The following SIGLEC9 variants were observed in gnomAD, a reference collection of about 807,000 sequenced individuals.
The protein encoded by SIGLEC9 is sialic acid-binding Ig-like lectin 9.
SIGLEC9 carries 26 observed loss-of-function variants against 38.3 expected under a neutral mutation model. The observed-to-expected ratio is 0.68, with a 90% CI of 0.50 to 0.94. The LOEUF (loss-of-function observed/expected upper bound fraction) is 0.94, where lower values mean the gene tolerates loss of function less well. Ranked by LOEUF, SIGLEC9 falls within the 40% of genes least tolerant of loss-of-function variation. The probability of loss-of-function intolerance (pLI) is 0.00; values close to 1 mark genes in which losing one functional copy is unlikely to be tolerated. For synonymous variants in SIGLEC9, 236 were observed against 248.0 expected (o/e 0.95, Z 0.45); for missense variants, 556 against 585.7 (o/e 0.95, Z 0.52).
downstream of SIGLEC9, chr19:51,130,393 C>A: frequency 4.2e-6 from 1 of 238,550 alleles, no homozygotes; most frequent in South Asian, 8.0e-5. Flanking sequence ...TTCCAGGAGT[C>A]ACATCCCGTT....
At chr19:51,135,433 C>T (rs1380272842) in intron 6 of SIGLEC9, among the ~76,000 whole-genome samples, 1 of 152,190 alleles carries the variant, frequency 6.6e-6, no homozygotes, top group Non-Finnish European at 1.5e-5. Flanking sequence ...ATGATTTCTG[C>T]TAAAAGCTCT....
At chr19:51,131,313 C>T (rs2092013579), downstream of SIGLEC9, among the ~76,000 whole-genome samples, 1 of 152,152 alleles carries the variant, frequency 6.6e-6, no homozygotes, top group Non-Finnish European at 1.5e-5. Flanking sequence ...CATGGCCGGG[C>T]ACAGTGTCTC....
At chr19:51,123,924 C>T (rs1486228115), upstream of SIGLEC9, among the ~76,000 whole-genome samples, 1 of 152,188 alleles carries the variant, frequency 6.6e-6, no homozygotes, top group Non-Finnish European at 1.5e-5. Context: ...CCCATGAAAT[C>T]CTGCCCATCG....
At chr19:51,124,895 G>A (rs1030485336), upstream of SIGLEC9, 2 of 1,534,768 alleles carry the variant, frequency 1.3e-6, no homozygotes, top group Non-Finnish European at 1.8e-6. Context: ...CCTCCTCTAA[G>A]TCTTGAGCCC....
chr19:51,132,001 G>T (rs1209374966), downstream of SIGLEC9, among the ~76,000 whole-genome samples: 1 of 152,162 alleles, frequency 6.6e-6, no homozygotes, highest in Non-Finnish European at 1.5e-5. Flanking sequence ...TTGATGCCCA[G>T]TGTTGGCGGT....
intron 1 of SIGLEC9, 72 bp downstream of exon 1, chr19:51,125,467 C>G: frequency 6.5e-7 from 1 of 1,547,914 alleles, no homozygotes. Flanking sequence ...GGGATGGAGC[C>G]CCTGCCCCAG....
At position 51,127,294 on chromosome 19, in the gene SIGLEC9, A is replaced by T; in HGVS notation, c.1013A>T (p.Gln338Leu). The stretch of plus-strand genomic sequence containing the variant: ...CAGGTCTACCTGAACGTCTCCCTGC[A>T]GAGTGAGTGCACCAGTATGCTGGGG... ...SQQVYLNVSL[Q>L]SKATSGVTQG... The change falls in exon 4 of 7, where the codon CAG (glutamine) becomes CTG (leucine). Residue 338 changes from glutamine to leucine, a missense_variant and splice_region_variant. Coordinates refer to ENST00000250360, the MANE Select transcript of SIGLEC9 (RefSeq NM_014441.3). 1 of 1,608,696 alleles carries T rather than the reference A, an allele frequency of 6.2e-7. No homozygotes were observed. The highest frequency in any genetic ancestry group is 8.5e-7 in the Non-Finnish European group (1 of 1,176,568).
At position 51,125,709 on chromosome 19, in the gene SIGLEC9, C is replaced by T. The variant is rs774824651; in HGVS notation, c.534C>T (p.Ile178=). ...WACEQGTPPM[I]SWIGTSVSPL... is the part of the protein sequence containing the mutation. ...GTGAGCAGGGGACACCCCCTATGAT[C>T]TCCTGGATAGGGACCTCCGTGTCCC... The change falls in exon 2 of 7, where the codon ATC becomes ATT. Residue 178 remains isoleucine (I), a synonymous_variant. Coordinates refer to ENST00000250360, the MANE Select transcript of SIGLEC9 (RefSeq NM_014441.3). 15 of 1,614,084 alleles carry T rather than the reference C, an allele frequency of 9.3e-6. No homozygotes were observed. In the East Asian group the frequency reaches 3.3e-4, roughly 36 times the overall value.
chr19:51,126,122 G>C lies in SIGLEC9; in HGVS notation c.742G>C (p.Gly248Arg), dbSNP rs202208227. ...GACCATGACTGTCTTCCAAGGAGAC[G>C]GCACAGGTAGGATGGAGCTCCCTCC... ...NLTMTVFQGD[G>R]TVSTVLGNGS... Residue 248 changes from glycine (G) to arginine (R), a missense_variant, in exon 3 of 7, where the codon GGC becomes CGC. Gly to Arg is a moderately radical substitution (Grantham distance 125, BLOSUM62 -2). Transcript: ENST00000250360. 6.2e-7 allele frequency: 1 copy of C among 1,613,932 alleles called. No individual in the cohort carries two copies. Among genetic ancestry groups the C allele is most frequent in the Non-Finnish European group, 8.5e-7 (1 of 1,179,836 alleles).
At chr19:51,124,192 C>T (rs2091960530), upstream of SIGLEC9, among the ~76,000 whole-genome samples, 1 of 152,182 alleles carries the variant, frequency 6.6e-6, no homozygotes, top group South Asian at 2.1e-4. Context: ...CCCCACAGTA[C>T]AACAGTCACA....
intron 3 of SIGLEC9, 53 bp from the exon 4 acceptor site, chr19:51,126,977 C>T: frequency 6.5e-7 from 1 of 1,541,640 alleles, no homozygotes; most frequent in South Asian, 1.1e-5. Flanking sequence ...CTGTATCCTT[C>T]CTTTTTCTCC....
downstream of SIGLEC9, among the ~76,000 whole-genome samples, chr19:51,131,915 C>CAAA (rs534454904): frequency 1.5e-4 from 18 of 117,434 alleles, no homozygotes; most frequent in African/African-American, 4.8e-4. Flanking sequence ...GAGTCTGTGT[C>CAAA]AAAAAAAAAA....
rs746646407 is a variant in SIGLEC9, at chr19:51,125,755, C to T, written c.580C>T (p.Arg194Cys). The T allele has an allele frequency of 9.3e-6, 15 of 1,613,960 alleles. No individual in the cohort carries two copies. The highest frequency in any genetic ancestry group is 6.7e-5 in the Admixed American group (4 of 59,996). The change falls in exon 2 of 7, where the codon CGC becomes TGC. Residue 194 changes from arginine (R) to cysteine (C), a missense_variant. Arg to Cys is a radical substitution (Grantham distance 180). Transcript: ENST00000250360. ...GTCCCCCCTGGACCCCTCCACCACC[C>T]GCTCCTCGGTGCTCACCCTCATCCC... The part of the protein sequence containing the change: ...SVSPLDPSTT[R>C]SSVLTLIPQP...
At chr19:51,121,154 G>GT (rs112928576), upstream of SIGLEC9, among the ~76,000 whole-genome samples, 5,759 of 151,074 alleles carry the variant, frequency 0.038, 359 homozygotes, top group African/African-American at 0.13. Flanking sequence ...CAGAGTATGA[G>GT]TTTTTTTGTT....
chr19:51,133,705 C>G (rs1033217565), downstream of SIGLEC9, among the ~76,000 whole-genome samples: 2 of 152,120 alleles, frequency 1.3e-5, no homozygotes, highest in African/African-American at 4.8e-5. Flanking sequence ...GAATCATAAA[C>G]CTAAAAGTAA....
intron 6 of SIGLEC9, among the ~76,000 whole-genome samples, chr19:51,135,790 T>A (rs1157426909): frequency 3.3e-5 from 5 of 152,154 alleles, no homozygotes; most frequent in Non-Finnish European, 7.3e-5. Context: ...TTTTTAAAAA[T>A]TTTTGTCTGA....
At chr19:51,122,642 G>C (rs273684), upstream of SIGLEC9, 19,107 of 151,522 alleles carry the variant, frequency 0.13, 4,095 homozygotes, top group African/African-American at 0.44. The surrounding 1 kb of genome is among the most constrained non-coding windows in gnomAD (Gnocchi z 4.1). Context: ...TTCCGAATGG[G>C]AGGTAAGGGA....
At chr19:51,127,797 G>A in intron 4 of SIGLEC9, 152 bp from the exon 5 acceptor site, 1 of 500,976 alleles carries the variant, frequency 2.0e-6, no homozygotes, top group Non-Finnish European at 3.6e-6. Flanking sequence ...GCCTCAGGAA[G>A]AGTCTCTCCA....
intron 3 of SIGLEC9, among the ~76,000 whole-genome samples, chr19:51,126,332 C>A (rs191007332): frequency 9.9e-5 from 15 of 151,994 alleles, no homozygotes; most frequent in African/African-American, 2.7e-4. Context: ...ACACCCCCCC[C>A]TCAGCCTCAA....
Sources: gnomAD v4.1 joint callset for allele counts (sites outside exome capture counted in the v4.1 genomes callset) on GRCh38, gnomAD v4.1.1 for gene constraint, Gnocchi (gnomAD v3.1) non-coding constraint, MANE v1.5 for transcripts, NCBI Gene and HGNC (gene_info 2026-07-23, HGNC 2026-07-21) for gene names.